PCDH15: variants seen among roughly 807,000 people sequenced by gnomAD.
PCDH15 encodes protocadherin-15.
In PCDH15, 129 loss-of-function variants were observed where a neutral mutation model predicts 178.5. The ratio of observed to expected loss-of-function variants is 0.72; its 90% CI spans 0.63 to 0.84. The LOEUF (loss-of-function observed/expected upper bound fraction) is 0.84. PCDH15 is among the 40% of genes least tolerant of loss of function. PCDH15 has a pLI of 0.00. For synonymous variants in PCDH15, 800 were observed against 732.0 expected (o/e 1.09, Z -1.50); for missense variants, 2,230 against 2,099.9 (o/e 1.06, Z -1.21).
chr10:54,181,162 CATTT>C (rs1301037391), intron 13 of PCDH15, among the ~76,000 whole-genome samples: 1 of 151,982 alleles, frequency 6.6e-6, no homozygotes, highest in Non-Finnish European at 1.5e-5. Flanking sequence ...AATTGTCATT[CATTT>C]ATTTATGTAA....
At chr10:55,305,699 G>A (rs1005066615) in intron 1 of PCDH15, among the ~76,000 whole-genome samples, 52 of 152,110 alleles carry the variant, frequency 3.4e-4, no homozygotes, top group African/African-American at 1.1e-3. Flanking sequence ...GTCCAACACT[G>A]GATAAGGCAG....
Position 54,447,416 on chromosome 10 carries a change from G to T in PCDH15, c.158-68474C>A, listed in dbSNP as rs575557298. On this transcript the variant is annotated intron_variant, in intron 3 of 37. Transcript: ENST00000644397. ...CCCCCATGCCCTAGCTTCTGATGAT[G>T]ACCAATTAACTCTCTGTTTCTATGA... Among the ~76,000 whole-genome samples the T allele has an allele frequency of 2.8e-3, 421 of 151,708 alleles. 2 individuals are homozygous for T. Among genetic ancestry groups the T allele is most frequent in the South Asian group, 0.012 (58 of 4,820 alleles).
chr10:54,179,112 T>A (rs1564615268), intron 13 of PCDH15, among the ~76,000 whole-genome samples: 1 of 152,096 alleles, frequency 6.6e-6, no homozygotes, highest in Non-Finnish European at 1.5e-5. Flanking sequence ...TAAAGACACA[T>A]ACACACGTAT....
intron 8 of PCDH15, among the ~76,000 whole-genome samples, chr10:54,289,381 C>A (rs1377578876): frequency 2.0e-5 from 3 of 152,164 alleles, no homozygotes; most frequent in African/African-American, 7.2e-5. Context: ...TACCAAAACC[C>A]CATCTGTGGG....
intron 1 of PCDH15, among the ~76,000 whole-genome samples, chr10:54,731,563 T>TATATATATATATATATACAC: frequency 8.6e-4 from 43 of 49,872 alleles, no homozygotes; most frequent in African/African-American, 2.5e-3. Context: ...TATATATATA[T>TATATATATATATATATACAC]ACACACACAC....
At chr10:54,168,071 A>C (rs923358405) in intron 13 of PCDH15, among the ~76,000 whole-genome samples, 4 of 151,830 alleles carry the variant, frequency 2.6e-5, no homozygotes, top group Non-Finnish European at 4.4e-5. Flanking sequence ...CAAAAACTTA[A>C]AACCTCTTCA....
chr10:53,971,258 C>T (rs1440168311), intron 21 of PCDH15, among the ~76,000 whole-genome samples: 2 of 152,182 alleles, frequency 1.3e-5, no homozygotes, highest in African/African-American at 4.8e-5. Flanking sequence ...TAAAAACTCT[C>T]AATAAACTAG....
intron 8 of PCDH15, among the ~76,000 whole-genome samples, chr10:54,301,837 A>C (rs2133277299): frequency 6.6e-6 from 1 of 152,314 alleles, no homozygotes; most frequent in East Asian, 1.9e-4. Context: ...GTAACACTTC[A>C]TAGCACCCAC....
chr10:54,193,028 A>T (rs910601499), intron 11 of PCDH15, among the ~76,000 whole-genome samples: 2 of 152,192 alleles, frequency 1.3e-5, no homozygotes, highest in Non-Finnish European at 2.9e-5. Flanking sequence ...TCAAGCCAAG[A>T]TCTGTCTAAA....
At chr10:54,645,976 T>C (rs1376649592) in intron 2 of PCDH15, among the ~76,000 whole-genome samples, 2 of 152,130 alleles carry the variant, frequency 1.3e-5, no homozygotes, top group Non-Finnish European at 2.9e-5. Flanking sequence ...CATACATTAA[T>C]ATTTTCAGGA....
rs145499665 is a variant in PCDH15, at chr10:55,615,260, T to A, written c.-156+12365A>T. ...ACATTTAAAGAATATAACTTACATA[T>A]ATGAAAATAAGACATCAAAACTTGA... On this transcript the variant is annotated intron_variant, in intron 2 of 5. Coordinates refer to the PCDH15 transcript ENST00000613346. 6.6e-3 allele frequency among the ~76,000 whole-genome samples: 1,002 copies of A among 152,210 alleles called. 12 individuals carry two copies. Among genetic ancestry groups the A allele is most frequent in the African/African-American group, 0.023 (964 of 41,544 alleles).
At chr10:54,673,984 C>T (rs990612668) in intron 1 of PCDH15, among the ~76,000 whole-genome samples, 5 of 152,074 alleles carry the variant, frequency 3.3e-5, no homozygotes, top group African/African-American at 9.7e-5. Context: ...TCCTCCATTG[C>T]CCCTCTTCTT....
At chr10:55,608,295 G>C (rs992867568) in intron 2 of PCDH15, among the ~76,000 whole-genome samples, 1 of 150,912 alleles carries the variant, frequency 6.6e-6, no homozygotes, top group East Asian at 2.0e-4. Flanking sequence ...GGAAGGGGAA[G>C]GGAAGCAGAG....
At chr10:55,523,525 T>C (rs915879085) in intron 2 of PCDH15, among the ~76,000 whole-genome samples, 40 of 151,624 alleles carry the variant, frequency 2.6e-4, no homozygotes, top group African/African-American at 9.4e-4. Context: ...AAATTTACTA[T>C]CTTTGTTATT....
chr10:54,310,009 T>C (rs1477789734), intron 8 of PCDH15, among the ~76,000 whole-genome samples: 1 of 152,056 alleles, frequency 6.6e-6, no homozygotes, highest in African/African-American at 2.4e-5. Context: ...TCATTTTAGG[T>C]TAACTGATAT....
chr10:54,650,482 T>A (rs2094233002), intron 2 of PCDH15, among the ~76,000 whole-genome samples: 1 of 152,130 alleles, frequency 6.6e-6, no homozygotes, highest in African/African-American at 2.4e-5. Flanking sequence ...AAATTCTAAA[T>A]AAATGTTGGT....
chr10:54,993,352 CT>C (rs1363440172), intron 2 of PCDH15, among the ~76,000 whole-genome samples: 2 of 152,098 alleles, frequency 1.3e-5, no homozygotes, highest in African/African-American at 2.4e-5. Context: ...AGGTCATCTG[CT>C]ATATGCAATA....
chr10:54,086,606 A>G (rs1171932247), intron 16 of PCDH15, among the ~76,000 whole-genome samples: 1 of 152,170 alleles, frequency 6.6e-6, no homozygotes, highest in Non-Finnish European at 1.5e-5. Context: ...ATGTATTGCT[A>G]GTGGTTCAGG....
At chr10:55,332,864 A>G (rs913412309) in intron 2 of PCDH15, among the ~76,000 whole-genome samples, 34 of 152,276 alleles carry the variant, frequency 2.2e-4, no homozygotes, top group African/African-American at 8.2e-4. Flanking sequence ...CTGTGAATCC[A>G]TTAAACCTTT....
Sources: gnomAD v4.1 joint callset for allele counts (sites outside exome capture counted in the v4.1 genomes callset) on GRCh38, gnomAD v4.1.1 for gene constraint, MANE v1.5 for transcripts, NCBI Gene and HGNC (gene_info 2026-07-23, HGNC 2026-07-21) for gene names.